ZNF432: variants seen among roughly 807,000 people sequenced by gnomAD.
ZNF432 encodes zinc finger protein 432.
ZNF432 carries 10 observed loss-of-function variants against 13.9 expected under a neutral mutation model. That is an observed-to-expected ratio of 0.72 (90% CI 0.44 to 1.22). The LOEUF (loss-of-function observed/expected upper bound fraction) is 1.22, where lower values mean the gene tolerates loss of function less well. ZNF432 is among the 50% of genes most tolerant of loss of function. The pLI is 0.00. For missense variants in ZNF432, 793 were observed against 796.2 expected (o/e 1.00, Z 0.05); for synonymous variants, 247 against 256.2 (o/e 0.96, Z 0.34).
chr19:52,044,305 G>T (rs1257045426), intron 2 of ZNF432, among the ~76,000 whole-genome samples: 1 of 151,716 alleles, frequency 6.6e-6, no homozygotes, highest in East Asian at 1.9e-4. Context: ...CCTGTTTAAA[G>T]TCCTTACCAG....
At position 52,041,606 on chromosome 19, in the gene ZNF432, C is replaced by T. The variant is rs1307722880; in HGVS notation, c.16G>A (p.Glu6Lys). 1.9e-6 allele frequency: 3 copies of T among 1,614,104 alleles called. No individual in the cohort carries two copies. The highest frequency in any genetic ancestry group is 2.7e-5 in the African/African-American group (2 of 75,028). The change falls in exon 3 of 5, where the codon GAA (glutamate) becomes AAA (lysine). Residue 6 changes from glutamate to lysine, a missense_variant and splice_region_variant. Transcript: ENST00000221315. Reference sequence around the variant, plus strand: ...GTAACATCCTCCAGTGTCAGCAATTCCTGTAAGAAAACAGAGCCTTGCTTA... The same window carrying T: ...GTAACATCCTCCAGTGTCAGCAATTTCTGTAAGAAAACAGAGCCTTGCTTA... MINAQ[E>K]LLTLEDVTVE... is the part of the protein sequence containing the mutation.
At position 52,032,010 on chromosome 19, in the gene ZNF432, G is replaced by A. The variant is rs996429430; in HGVS notation, c.*1710C>T. 1 of 152,046 alleles carries A rather than the reference G, an allele frequency of 6.6e-6. No individual in the cohort carries two copies. The highest frequency in any genetic ancestry group is 2.4e-5 in the African/African-American group (1 of 41,388). 9.4% of individuals were successfully genotyped at this position (152,046 alleles called of 1,614,324 possible). On this transcript the variant is annotated 3_prime_UTR_variant, in exon 5 of 5. Coordinates refer to ENST00000221315, the MANE Select transcript of ZNF432 (RefSeq NM_014650.4). ...AGAACTCCGTGGTTTTTATTATTAT[G>A]GTTATGTAAGATAACATTGATGATG...
chr19:52,048,365 C>T (rs2087213976), intron 1 of ZNF432, among the ~76,000 whole-genome samples: 6 of 152,100 alleles, frequency 3.9e-5, no homozygotes, highest in Admixed American at 3.9e-4. Context: ...AAGTCACATT[C>T]GTTGACAAAA....
rs990978177 is a variant in ZNF432, at chr19:52,041,559, C to G, written c.63G>C (p.Glu21Asp). The change falls in exon 3 of 5, where the codon GAG becomes GAC. Residue 21 changes from glutamate (E) to aspartate (D), a missense_variant. Glu to Asp is a conservative substitution (Grantham distance 45). Coordinates refer to ENST00000221315, the MANE Select transcript of ZNF432 (RefSeq NM_014650.4). Reference sequence around the variant, plus strand: ...TCTGAAAAGGGCCCAGGAGCTGCCACTCCTCCCAGGTGAACTCCACAGTAA... The same window carrying G: ...TCTGAAAAGGGCCCAGGAGCTGCCAGTCCTCCCAGGTGAACTCCACAGTAA... Reference protein sequence around the residue: ...EDVTVEFTWEEWQLLGPFQKD... With the variant: ...EDVTVEFTWEDWQLLGPFQKD... The G allele has an allele frequency of 6.2e-7, 1 of 1,613,766 alleles. No individual in the cohort carries two copies. Among genetic ancestry groups the G allele is most frequent in the Non-Finnish European group, 8.5e-7 (1 of 1,179,876 alleles).
chr19:52,042,824 A>G (rs2087148280), intron 2 of ZNF432, among the ~76,000 whole-genome samples: 1 of 152,230 alleles, frequency 6.6e-6, no homozygotes, highest in African/African-American at 2.4e-5. Context: ...TGAACATCAG[A>G]TGCACATATA....
chr19:52,035,179 T>C lies in ZNF432; in HGVS notation c.500A>G (p.His167Arg), dbSNP rs993910335. Reference sequence around the variant, plus strand: ...AGAATAAAGTTCTTCATAGTTACCATGAAGAAATGATTTCCCATCTCCACT... The same window carrying C: ...AGAATAAAGTTCTTCATAGTTACCACGAAGAAATGATTTCCCATCTCCACT... ...KFSGDGKSFL[H>R]GNYEELYSAA... The change falls in exon 5 of 5, where the codon CAT (histidine) becomes CGT (arginine). Residue 167 changes from histidine to arginine, a missense_variant. Physicochemically the swap from His to Arg is conservative, Grantham distance 29. Coordinates refer to ENST00000221315, the MANE Select transcript of ZNF432 (RefSeq NM_014650.4). 1.3e-5 allele frequency: 21 copies of C among 1,613,406 alleles called. No individual in the cohort carries two copies. The highest frequency in any genetic ancestry group is 1.8e-5 in the Non-Finnish European group (21 of 1,179,926).
chr19:52,040,435 C>T, intron 4 of ZNF432, 53 bp downstream of exon 4: 1 of 1,508,294 alleles, frequency 6.6e-7, no homozygotes, highest in Admixed American at 1.7e-5. Context: ...ACCCACAGAG[C>T]CTTCTTTCAC....
chr19:52,040,616 C>A, intron 3 of ZNF432, 33 bp from the exon 4 acceptor site: 1 of 1,557,864 alleles, frequency 6.4e-7, no homozygotes, highest in Admixed American at 1.7e-5. Flanking sequence ...GACAGACACA[C>A]TGGATTGGGC....
intron 1 of ZNF432, among the ~76,000 whole-genome samples, chr19:52,047,671 CAAA>C (rs201695632): frequency 2.8e-5 from 2 of 71,850 alleles, no homozygotes; most frequent in East Asian, 3.5e-4. Context: ...GACTCCATCT[CAAA>C]AAAAAAAAAA....
At chr19:52,039,023 T>G (rs112227117) in intron 4 of ZNF432, among the ~76,000 whole-genome samples, 12 of 152,390 alleles carry the variant, frequency 7.9e-5, no homozygotes, top group African/African-American at 2.6e-4. Context: ...AAGTCAGCCA[T>G]GTGGGCTGTA....
At position 52,031,582 on chromosome 19, in the gene ZNF432, T is replaced by C. The variant is rs1470832039; in HGVS notation, c.*2138A>G. 6.6e-6 allele frequency: 1 copy of C among 152,228 alleles called. No homozygotes were observed. Among genetic ancestry groups the C allele is most frequent in the Non-Finnish European group, 1.5e-5 (1 of 68,044 alleles). 9.4% of individuals were successfully genotyped at this position (152,228 alleles called of 1,614,324 possible). On this transcript the variant is annotated 3_prime_UTR_variant, in exon 5 of 5. Coordinates refer to ENST00000221315, the MANE Select transcript of ZNF432 (RefSeq NM_014650.4). Reference sequence around the variant, plus strand: ...GTAATTTGCTGAGTGAACAAAGCCCTATCTCAAAGCTTGCGTACCTTACGA... The same window carrying C: ...GTAATTTGCTGAGTGAACAAAGCCCCATCTCAAAGCTTGCGTACCTTACGA...
Position 52,035,318 on chromosome 19 carries a change from A to C in ZNF432, c.361T>G (p.Cys121Gly). The C allele has an allele frequency of 6.2e-7, 1 of 1,612,858 alleles. No homozygotes were observed. Among genetic ancestry groups the C allele is most frequent in the Non-Finnish European group, 8.5e-7 (1 of 1,179,740 alleles). The change falls in exon 5 of 5, where the codon TGT becomes GGT. Residue 121 changes from cysteine (C) to glycine (G), a missense_variant. Physicochemically the swap from Cys to Gly is radical, Grantham distance 159. Coordinates refer to ENST00000221315, the MANE Select transcript of ZNF432 (RefSeq NM_014650.4). ...GTATCATGATTTTCCCTGAAAAGAC[A>C]AAGGCTTTTGGTTTGAGAGGCAGTA... is the stretch of plus-strand genomic sequence containing the variant. ...GNTASQTKSLCLFRENHDTFE... is the reference protein window; with the variant it reads ...GNTASQTKSLGLFRENHDTFE...
chr19:52,037,310 T>C (rs1191136127), intron 4 of ZNF432, among the ~76,000 whole-genome samples: 1 of 152,170 alleles, frequency 6.6e-6, no homozygotes, highest in Admixed American at 6.5e-5. Context: ...ACAACTCCTA[T>C]AGTCAACACT....
chr19:52,036,703 C>CA (rs1165448335), intron 4 of ZNF432, among the ~76,000 whole-genome samples: 1 of 151,796 alleles, frequency 6.6e-6, no homozygotes, highest in Non-Finnish European at 1.5e-5. Context: ...GACAGGGTCT[C>CA]ACTGTCACCC....
intron 4 of ZNF432, 45 bp from the exon 5 acceptor site, chr19:52,035,485 G>T (rs2087072378): frequency 1.4e-6 from 2 of 1,398,116 alleles, no homozygotes; most frequent in African/African-American, 1.5e-5. Context: ...TCTTGTTGGG[G>T]ATAAAACTGT....
At chr19:52,042,872 C>T (rs750106757) in intron 2 of ZNF432, among the ~76,000 whole-genome samples, 1 of 152,112 alleles carries the variant, frequency 6.6e-6, no homozygotes, top group Non-Finnish European at 1.5e-5. Context: ...GGAAAAGATG[C>T]ATTACCATCA....
Position 52,033,379 on chromosome 19 carries a change from T to C in ZNF432, c.*341A>G, listed in dbSNP as rs901038914. On this transcript the variant is annotated 3_prime_UTR_variant, in exon 5 of 5. Transcript: ENST00000221315. ...TCTGCATGAATTTGTTTGTATGTAA[T>C]CAGTTCAGATTCTCTGCAAAAGGAC... is the stretch of plus-strand genomic sequence containing the variant. The C allele has an allele frequency of 9.0e-6, 2 of 222,442 alleles. No homozygotes were observed. The highest frequency in any genetic ancestry group is 1.8e-5 in the Non-Finnish European group (2 of 112,316). The allele number at this position is 222,442 out of a possible 1,614,324, so 13.8% of individuals were successfully genotyped here.
At chr19:52,045,930 G>A (rs80278704) in intron 2 of ZNF432, among the ~76,000 whole-genome samples, 21,775 of 149,744 alleles carry the variant, frequency 0.15, 2,100 homozygotes, top group East Asian at 0.37. Flanking sequence ...AGGACGTGGA[G>A]GTTGCAGTAA....
intron 4 of ZNF432, among the ~76,000 whole-genome samples, chr19:52,037,041 C>T (rs1228086182): frequency 6.6e-6 from 1 of 152,162 alleles, no homozygotes; most frequent in African/African-American, 2.4e-5. Context: ...GACATTCCAA[C>T]ATGTGGTTTT....
Sources: gnomAD v4.1 joint callset for allele counts (sites outside exome capture counted in the v4.1 genomes callset) on GRCh38, gnomAD v4.1.1 for gene constraint, MANE v1.5 for transcripts, NCBI Gene and HGNC (gene_info 2026-07-23, HGNC 2026-07-21) for gene names.